Variants in GDA observed in about 807,000 individuals in gnomAD.
GDA encodes the protein guanine deaminase.
Under a neutral mutation model 59.6 loss-of-function variants are expected in GDA, and 18 were observed. The ratio of observed to expected loss-of-function variants is 0.30; its 90% CI spans 0.21 to 0.45. The LOEUF (loss-of-function observed/expected upper bound fraction) is 0.45. Ranked by LOEUF, GDA falls within the 20% of genes least tolerant of loss-of-function variation. The pLI is 1.00. For missense variants in GDA, 427 were observed against 552.3 expected, an observed-to-expected ratio of 0.77 and a Z score of 2.27; for synonymous variants, 201 against 201.1, an observed-to-expected ratio of 1.00 and a Z score of 0.00.
At chr9:72,226,931 C>T (rs1233669701) in intron 8 of GDA, among the ~76,000 whole-genome samples, 2 of 152,092 alleles carry the variant, frequency 1.3e-5, no homozygotes, top group African/African-American at 4.8e-5. Flanking sequence ...TCCTGGCTAA[C>T]ACGGTGAAAC....
At chr9:72,160,987 A>G (rs894016552) in intron 1 of GDA, among the ~76,000 whole-genome samples, 6 of 151,976 alleles carry the variant, frequency 3.9e-5, no homozygotes, top group African/African-American at 1.5e-4. Context: ...GCTCACTGCA[A>G]TCTCCGCTTC....
intron 1 of GDA, among the ~76,000 whole-genome samples, chr9:72,123,714 C>T (rs1241825856): frequency 1.3e-5 from 2 of 151,918 alleles, no homozygotes; most frequent in Non-Finnish European, 2.9e-5. Context: ...CTCGAACTCT[C>T]GACCTCAAGT....
chr9:72,182,060 A>G (rs1041302387), intron 1 of GDA, among the ~76,000 whole-genome samples: 1 of 152,176 alleles, frequency 6.6e-6, no homozygotes, highest in African/African-American at 2.4e-5. Context: ...ACTGAGAGTA[A>G]GTTATAGACA....
intron 12 of GDA, among the ~76,000 whole-genome samples, chr9:72,246,282 G>A (rs1840130519): frequency 6.6e-6 from 1 of 152,086 alleles, no homozygotes; most frequent in South Asian, 2.1e-4. Flanking sequence ...CAGGTAGCTG[G>A]GATTACAGGC....
chr9:72,118,273 CAAA>C (rs373179585), intron 1 of GDA, among the ~76,000 whole-genome samples: 78 of 66,150 alleles, frequency 1.2e-3, no homozygotes, highest in African/African-American at 3.4e-3. Context: ...GACTCCACCT[CAAA>C]AAAAAAAAAA....
At chr9:72,220,327 A>T (rs1468721063) in intron 6 of GDA, among the ~76,000 whole-genome samples, 1 of 152,264 alleles carries the variant, frequency 6.6e-6, no homozygotes, top group Non-Finnish European at 1.5e-5. Flanking sequence ...ACATTTTGAA[A>T]TAATGAAATA....
chr9:72,241,346 T>G, intron 11 of GDA, 48 bp downstream of exon 11: 1 of 1,415,018 alleles, frequency 7.1e-7, no homozygotes, highest in South Asian at 1.4e-5. Context: ...ACCATGCTGA[T>G]CGGTGTCTTT....
intron 2 of GDA, among the ~76,000 whole-genome samples, chr9:72,197,831 A>G (rs1004118770): frequency 9.2e-5 from 14 of 152,230 alleles, no homozygotes; most frequent in African/African-American, 3.1e-4. Flanking sequence ...AGTTTTTAAT[A>G]GACTTGGCCC....
chr9:72,123,200 T>C lies in GDA; in HGVS notation c.-100+8367T>C, dbSNP rs997721691. Reference sequence around the variant, plus strand: ...TTTTTCTTCCCTTTTTTTTTTTTTTTTGAGACCGAGTCTTGCTCTGTTGCC... The same window carrying C: ...TTTTTCTTCCCTTTTTTTTTTTTTTCTGAGACCGAGTCTTGCTCTGTTGCC... On this transcript the variant is annotated intron_variant, in intron 1 of 13. Transcript: ENST00000545168. Among the ~76,000 whole-genome samples, 9 of 148,006 alleles carry C rather than the reference T, an allele frequency of 6.1e-5. No homozygotes were observed. In the South Asian group the frequency reaches 8.5e-4, roughly 14 times the overall value.
rs778077706 is a variant in GDA, at chr9:72,231,145, G to T, written c.952G>T (p.Val318Phe). ...CAGTGGATTTCTAAATGTGCTAGAA[G>T]TCCTGAAACATGAAGTCAAGATAGG... ...LSSGFLNVLE[V>F]LKHEVKIGLG... is the part of the protein sequence containing the mutation. The change falls in exon 10 of 14, where the codon GTC becomes TTC. Residue 318 changes from valine to phenylalanine, a missense_variant. Coordinates refer to ENST00000358399, the MANE Select transcript of GDA (RefSeq NM_004293.5). 6.9e-5 allele frequency: 111 copies of T among 1,597,432 alleles called. No individual in the cohort carries two copies. The highest frequency in any genetic ancestry group is 8.5e-5 in the Non-Finnish European group (99 of 1,165,034).
chr9:72,194,741 T>C (rs973555976), intron 1 of GDA, among the ~76,000 whole-genome samples: 10 of 152,200 alleles, frequency 6.6e-5, no homozygotes, highest in Middle Eastern at 3.2e-3. Context: ...TTTAAGTTTA[T>C]TAGGGCCTCT....
In GDA at chr9:72,248,388, G is replaced by T. The variant is rs1237232851; in HGVS notation, c.*46G>T. ...GTTCTCCTGGGATTAGCGTGGTTCT[G>T]CATCTCCCTTGTGCCCAGGTGGAGT... On this transcript the variant is annotated 3_prime_UTR_variant, in exon 14 of 14. Transcript: ENST00000358399. 1.2e-6 allele frequency: 2 copies of T among 1,611,960 alleles called. No individual in the cohort carries two copies. Among genetic ancestry groups the T allele is most frequent in the East Asian group, 4.5e-5 (2 of 44,840 alleles).
chr9:72,226,514 T>C (rs1053646354), intron 8 of GDA, among the ~76,000 whole-genome samples: 1 of 152,212 alleles, frequency 6.6e-6, no homozygotes, highest in Non-Finnish European at 1.5e-5. Flanking sequence ...GAGTATGCAT[T>C]ACTCCTATAA....
At chr9:72,222,725 A>C (rs948255683) in intron 6 of GDA, among the ~76,000 whole-genome samples, 6 of 150,478 alleles carry the variant, frequency 4.0e-5, no homozygotes, top group African/African-American at 1.5e-4. Flanking sequence ...TTTTTTTTTG[A>C]GACTGAGTTT....
At chr9:72,129,047 C>G (rs1330381966) in intron 1 of GDA, among the ~76,000 whole-genome samples, 1 of 152,066 alleles carries the variant, frequency 6.6e-6, no homozygotes, top group Non-Finnish European at 1.5e-5. Context: ...ACTGCAACCT[C>G]TGCCCCCTGG....
chr9:72,126,479 A>G (rs1194132618), intron 1 of GDA, among the ~76,000 whole-genome samples: 1 of 151,936 alleles, frequency 6.6e-6, no homozygotes, highest in Non-Finnish European at 1.5e-5. Flanking sequence ...TCTGATTCAC[A>G]TGTGCTTGCC....
At chr9:72,192,629 C>A (rs1304421516) in intron 1 of GDA, among the ~76,000 whole-genome samples, 1 of 151,300 alleles carries the variant, frequency 6.6e-6, no homozygotes, top group African/African-American at 2.4e-5. Context: ...CACCTGTAAT[C>A]CCAGCACTTT....
chr9:72,239,818 C>G (rs1462949386), intron 10 of GDA, among the ~76,000 whole-genome samples: 5 of 152,020 alleles, frequency 3.3e-5, no homozygotes, highest in Admixed American at 3.3e-4. Context: ...TTTTAGAGAG[C>G]TGGGTGATTC....
chr9:72,193,781 G>A lies in GDA; in HGVS notation c.124-1719G>A, dbSNP rs1484896134. The A allele has an allele frequency of 2.6e-5, 4 of 152,276 alleles. No homozygotes were observed. The South Asian group carries it at 8.3e-4, about 32-fold the overall frequency. The allele number at this position is 152,276 out of a possible 1,614,324, so 9.4% of individuals were successfully genotyped here. ...TTCTAGAGGTGCCGTCAGGGAGCTA[G>A]CGATTAGAGTCGAAAGACTTAGAAA... On this transcript the variant is annotated intron_variant, in intron 1 of 13. Transcript: ENST00000358399.
Sources: allele counts gnomAD v4.1 joint callset (sites outside exome capture counted in the v4.1 genomes callset), GRCh38; gene constraint gnomAD v4.1.1; transcripts MANE v1.5; gene names NCBI Gene and HGNC (gene_info 2026-07-23, HGNC 2026-07-21).